RBFOX2: variants seen among roughly 807,000 people sequenced by gnomAD.
RBFOX2 encodes RNA binding protein fox-1 homolog 2.
RBFOX2 carries 10 observed loss-of-function variants against 49.1 expected under a neutral mutation model. That is an observed-to-expected ratio of 0.20 (90% confidence interval 0.13 to 0.35). The LOEUF (loss-of-function observed/expected upper bound fraction) is 0.35. Among genes scored for constraint, RBFOX2 ranks in the 10% least tolerant of loss-of-function variants. The probability of loss-of-function intolerance (pLI) is 1.00; values close to 1 mark genes in which losing one functional copy is unlikely to be tolerated. For synonymous variants in RBFOX2, 183 were observed against 187.4 expected (o/e 0.98, Z 0.19); for missense variants, 323 against 486.9 (o/e 0.66, Z 3.17).
chr22:35,992,590 C>G (rs1569520218), intron 1 of RBFOX2: 1 of 152,106 alleles, frequency 6.6e-6, no homozygotes, highest in African/African-American at 2.4e-5. Context: ...TTCTTGAACC[C>G]TCTCATAACC....
chr22:35,812,150 A>G (rs1569222092), intron 1 of RBFOX2, among the ~76,000 whole-genome samples: 1 of 151,906 alleles, frequency 6.6e-6, no homozygotes. Context: ...AATCTCAGAT[A>G]TCTTGGAAGC....
intron 1 of RBFOX2, among the ~76,000 whole-genome samples, chr22:35,911,570 A>C (rs2049836221): frequency 6.6e-6 from 1 of 152,208 alleles, no homozygotes; most frequent in African/African-American, 2.4e-5. Flanking sequence ...GCCAAAATAT[A>C]AATAAATGTA....
chr22:35,747,256 T>C (rs957206101), intron 9 of RBFOX2: 2 of 152,124 alleles, frequency 1.3e-5, no homozygotes, highest in African/African-American at 4.8e-5. Context: ...GTTTGCCAAC[T>C]CAGATCTACA....
chr22:36,004,874 C>T (rs1215251385), intron 1 of RBFOX2, among the ~76,000 whole-genome samples: 1 of 152,114 alleles, frequency 6.6e-6, no homozygotes, highest in East Asian at 1.9e-4. Flanking sequence ...CCTTTCATCC[C>T]ACTTCTTGAT....
In RBFOX2 at chr22:35,783,558, TG is replaced by T. The variant is rs532483453; in HGVS notation, c.253-1813del. Among the ~76,000 whole-genome samples, 782 of 151,830 alleles carry T rather than the reference TG, an allele frequency of 5.2e-3. 5 individuals are homozygous for T. The highest frequency in any genetic ancestry group is 8.3e-3 in the Non-Finnish European group (565 of 67,948). ...AAAGCGAGTTTGGGGGGGCACAGCG[TG>T]GAGGGGGTGACCACTAGAATGGTCA... On this transcript the variant is annotated intron_variant, in intron 2 of 11. Coordinates refer to ENST00000405409, the Ensembl canonical transcript of RBFOX2.
chr22:35,904,706 A>G (rs1179999933), intron 1 of RBFOX2, among the ~76,000 whole-genome samples: 1 of 152,214 alleles, frequency 6.6e-6, no homozygotes, highest in East Asian at 1.9e-4. Context: ...CTATAAATTT[A>G]TTCTTCTCAG....
At position 36,028,594 on chromosome 22, in the gene RBFOX2, G is replaced by A. The variant is rs1488742022; in HGVS notation, c.-169C>T. ...CCGCGCCCCTCCGCGCCTCGCGGCC[G>A]CCGCTCCTTGCCTGACCGCTTGCTC... is the stretch of plus-strand genomic sequence containing the variant. On this transcript the variant is annotated 5_prime_UTR_variant, in exon 1 of 14. Coordinates refer to the RBFOX2 transcript ENST00000438146. 4.7e-5 allele frequency among the ~76,000 whole-genome samples: 7 copies of A among 148,512 alleles called. No individual in the cohort carries two copies. In the East Asian group the frequency reaches 1.4e-3, roughly 30 times the overall value.
At chr22:35,972,277 A>C (rs1229594407) in intron 1 of RBFOX2, among the ~76,000 whole-genome samples, 1 of 152,070 alleles carries the variant, frequency 6.6e-6, no homozygotes, top group Non-Finnish European at 1.5e-5. Context: ...AACTGTTTTC[A>C]TGTGTTCTAT....
chr22:35,842,018 C>A (rs1165935789), upstream of RBFOX2, among the ~76,000 whole-genome samples: 1 of 152,102 alleles, frequency 6.6e-6, no homozygotes, highest in Non-Finnish European at 1.5e-5. Context: ...CATGGCAAAT[C>A]CCTATCTCTA....
intron 1 of RBFOX2, among the ~76,000 whole-genome samples, chr22:35,830,088 C>T (rs1956503019): frequency 6.6e-6 from 1 of 152,190 alleles, no homozygotes; most frequent in African/African-American, 2.4e-5. Flanking sequence ...CATTAGGTTA[C>T]AAGTGACTAC....
intron 3 of RBFOX2, among the ~76,000 whole-genome samples, chr22:35,780,393 T>C (rs1475188460): frequency 1.3e-5 from 2 of 151,940 alleles, no homozygotes; most frequent in Non-Finnish European, 2.9e-5. Context: ...AAAAAACTAT[T>C]GATTATCTCT....
chr22:35,778,668 G>C (rs1479173448), intron 3 of RBFOX2, among the ~76,000 whole-genome samples: 1 of 151,486 alleles, frequency 6.6e-6, no homozygotes, highest in Non-Finnish European at 1.5e-5. Context: ...ATGGAGTCTT[G>C]AACTGTCACC....
At chr22:35,801,445 A>ACT (rs756838084) in intron 2 of RBFOX2, among the ~76,000 whole-genome samples, 3 of 151,294 alleles carry the variant, frequency 2.0e-5, no homozygotes, top group East Asian at 1.9e-4. Context: ...ACACACACAC[A>ACT]CACTCTCTCT....
At chr22:35,910,671 C>T (rs184974324) in intron 1 of RBFOX2, among the ~76,000 whole-genome samples, 2 of 152,272 alleles carry the variant, frequency 1.3e-5, no homozygotes, top group Non-Finnish European at 2.9e-5. Context: ...TCCCACTTCC[C>T]TAGATGATTC....
chr22:35,918,122 G>C (rs2050630093), intron 1 of RBFOX2, among the ~76,000 whole-genome samples: 2 of 152,226 alleles, frequency 1.3e-5, no homozygotes, highest in African/African-American at 4.8e-5. Flanking sequence ...CAGAGTTCTT[G>C]TTTCAGTGTT....
chr22:35,854,008 C>T (rs1354622633), intron 1 of RBFOX2, among the ~76,000 whole-genome samples: 1 of 151,904 alleles, frequency 6.6e-6, no homozygotes, highest in Admixed American at 6.6e-5. Context: ...GTCAGGTGTT[C>T]GAGACCAGCC....
intron 1 of RBFOX2, among the ~76,000 whole-genome samples, chr22:35,953,787 AATAAAT>A (rs1402887102): frequency 6.6e-6 from 1 of 152,228 alleles, no homozygotes; most frequent in Non-Finnish European, 1.5e-5. Context: ...CAGTGACTAC[AATAAAT>A]ATAGACACAA....
At chr22:35,823,978 T>C (rs774477621) in intron 1 of RBFOX2, among the ~76,000 whole-genome samples, 1 of 151,894 alleles carries the variant, frequency 6.6e-6, no homozygotes, top group Non-Finnish European at 1.5e-5. Context: ...TGAAACCCCA[T>C]CTCTACTAAA....
At chr22:35,875,234 T>C (rs2044871599) in intron 1 of RBFOX2, among the ~76,000 whole-genome samples, 1 of 152,136 alleles carries the variant, frequency 6.6e-6, no homozygotes, top group South Asian at 2.1e-4. Flanking sequence ...CTTCCGGCAT[T>C]CAAAAGGAAA....
Sources: allele counts gnomAD v4.1 joint callset (sites outside exome capture counted in the v4.1 genomes callset), GRCh38; gene constraint gnomAD v4.1.1; transcripts MANE v1.5; gene names NCBI Gene and HGNC (gene_info 2026-07-23, HGNC 2026-07-21).